ASTN2: variants seen among roughly 807,000 people sequenced by gnomAD.
The protein encoded by ASTN2 is astrotactin 2.
A neutral mutation model predicts 139.8 loss-of-function variants in ASTN2; 54 were observed. That is an observed-to-expected ratio of 0.39 (90% CI 0.31 to 0.48). The LOEUF (loss-of-function observed/expected upper bound fraction) is 0.48, where lower values mean the gene tolerates loss of function less well. Ranked by LOEUF, ASTN2 falls within the 20% of genes least tolerant of loss-of-function variation. ASTN2 has a pLI of 0.95. For synonymous variants in ASTN2, 756 were observed against 719.5 expected (o/e 1.05, Z -0.81); for missense variants, 1,565 against 1,725.1 (o/e 0.91, Z 1.64).
At chr9:117,221,842 T>C (rs1303392525) in intron 2 of ASTN2, among the ~76,000 whole-genome samples, 1 of 105,144 alleles carries the variant, frequency 9.5e-6, no homozygotes, top group Non-Finnish European at 1.8e-5. Context: ...TCTTTAGTGT[T>C]AGAAGAAAAA....
intron 6 of ASTN2, among the ~76,000 whole-genome samples, chr9:117,036,106 G>T (rs1838377456): frequency 6.6e-6 from 1 of 152,076 alleles, no homozygotes; most frequent in African/African-American, 2.4e-5. Flanking sequence ...TTATTTTACA[G>T]ATAGGTGAGA....
At chr9:117,247,267 G>A (rs917339550) in intron 2 of ASTN2, among the ~76,000 whole-genome samples, 2 of 152,340 alleles carry the variant, frequency 1.3e-5, no homozygotes, top group Admixed American at 6.5e-5. Context: ...AGGATTAGCG[G>A]CTTGCCTCCT....
At chr9:117,142,033 G>T in intron 3 of ASTN2, among the ~76,000 whole-genome samples, 1 of 152,320 alleles carries the variant, frequency 6.6e-6, no homozygotes, top group East Asian at 1.9e-4. Flanking sequence ...TGGATGGAAG[G>T]AGAAGCATGT....
At chr9:116,816,882 TG>T (rs1831343657) in intron 12 of ASTN2, among the ~76,000 whole-genome samples, 1 of 75,178 alleles carries the variant, frequency 1.3e-5, no homozygotes, top group African/African-American at 4.4e-5. Flanking sequence ...TCCTTTCCCT[TG>T]TAGGTAGAAA....
At position 116,749,727 on chromosome 9, in the gene ASTN2, T is replaced by C. The variant is rs527719727; in HGVS notation, c.2397-16204A>G. The stretch of plus-strand genomic sequence containing the variant: ...GAGCCTGTTGGAGGTGATTGGATCA[T>C]GGGGGTGGATCCCCATGGATGGTTT... On this transcript the variant is annotated intron_variant, in intron 13 of 22. Transcript: ENST00000313400. 1.3e-3 allele frequency among the ~76,000 whole-genome samples: 200 copies of C among 152,316 alleles called. 1 individual carries two copies. Among genetic ancestry groups the C allele is most frequent in the Middle Eastern group, 0.01 (3 of 294 alleles).
chr9:116,928,796 G>A (rs1039597040), intron 10 of ASTN2, among the ~76,000 whole-genome samples: 6 of 151,778 alleles, frequency 4.0e-5, no homozygotes, highest in Non-Finnish European at 5.9e-5. Flanking sequence ...TATTAAGGGC[G>A]TTCATAGCAA....
At chr9:116,597,299 A>ATTTTT (rs757848093) in intron 19 of ASTN2, among the ~76,000 whole-genome samples, 10 of 75,522 alleles carry the variant, frequency 1.3e-4, no homozygotes, top group East Asian at 4.9e-4. Context: ...CTTTTGATCT[A>ATTTTT]TTTTTTTTTT....
chr9:116,424,920 G>C lies in ASTN2; in HGVS notation c.*931C>G, dbSNP rs1232025323. ...TCCCATCTTTTTCACCTCTCTGTCT[G>C]GCTTATTTCTACTCATCCTTTGGGT... On this transcript the variant is annotated 3_prime_UTR_variant, in exon 23 of 23. Coordinates refer to ENST00000313400, the MANE Select transcript of ASTN2 (RefSeq NM_001365068.1). 6.6e-6 allele frequency among the ~76,000 whole-genome samples: 1 copy of C among 151,950 alleles called. No individual in the cohort carries two copies. The highest frequency in any genetic ancestry group is 2.4e-5 in the African/African-American group (1 of 41,386).
At chr9:116,702,276 C>T (rs1827845895) in intron 16 of ASTN2, among the ~76,000 whole-genome samples, 1 of 151,984 alleles carries the variant, frequency 6.6e-6, no homozygotes, top group Non-Finnish European at 1.5e-5. Context: ...TAAATGATGG[C>T]TGTTACTCTT....
intron 16 of ASTN2, among the ~76,000 whole-genome samples, chr9:116,709,005 C>T (rs903392206): frequency 1.3e-5 from 2 of 152,206 alleles, no homozygotes; most frequent in African/African-American, 4.8e-5. Flanking sequence ...TAAACTGTCC[C>T]TTCAGCCCCA....
chr9:117,095,937 G>C, intron 5 of ASTN2, 107 bp downstream of exon 5: 1 of 1,012,988 alleles, frequency 9.9e-7, no homozygotes, highest in Non-Finnish European at 1.5e-6. Flanking sequence ...TAACCAGATG[G>C]GGACCAGGTT....
rs574595772 is a variant in ASTN2, at chr9:117,104,908, C to G, written c.1169-8757G>C. Among the ~76,000 whole-genome samples, 11 of 152,154 alleles carry G rather than the reference C, an allele frequency of 7.2e-5. No individual in the cohort carries two copies. The South Asian group carries it at 2.3e-3, about 32-fold the overall frequency. On this transcript the variant is annotated intron_variant, in intron 4 of 22. Coordinates refer to ENST00000313400, the MANE Select transcript of ASTN2 (RefSeq NM_001365068.1). ...CTCAGAGGGGGATCATTCCATCACC[C>G]AAGAAAGGAAATGACCCAATTTATC...
At chr9:117,052,386 G>T (rs1406459770) in intron 5 of ASTN2, among the ~76,000 whole-genome samples, 2 of 143,382 alleles carry the variant, frequency 1.4e-5, no homozygotes, top group African/African-American at 5.3e-5. Context: ...CTTGCAGTGA[G>T]CTATCACACC....
chr9:116,927,418 C>T (rs958299142), intron 10 of ASTN2, among the ~76,000 whole-genome samples: 2 of 152,210 alleles, frequency 1.3e-5, no homozygotes, highest in Non-Finnish European at 2.9e-5. Context: ...TCATTACTAA[C>T]AGGAAGCTGG....
chr9:116,815,601 C>G (rs1050896675), intron 12 of ASTN2, among the ~76,000 whole-genome samples: 5 of 151,134 alleles, frequency 3.3e-5, no homozygotes, highest in Non-Finnish European at 5.9e-5. Context: ...GTCAGGAGAT[C>G]GAGACCATCC....
At chr9:117,178,748 G>T (rs1588045670) in intron 3 of ASTN2, among the ~76,000 whole-genome samples, 2 of 152,220 alleles carry the variant, frequency 1.3e-5, no homozygotes, top group African/African-American at 2.4e-5. Context: ...AAATCAAAGT[G>T]CCAAGGGCTG....
chr9:117,214,980 GT>G (rs1412373859), intron 2 of ASTN2, among the ~76,000 whole-genome samples: 4 of 152,184 alleles, frequency 2.6e-5, no homozygotes, highest in Non-Finnish European at 5.9e-5. Context: ...GCTTTCCATA[GT>G]TATAAAGGTT....
intron 17 of ASTN2, among the ~76,000 whole-genome samples, chr9:116,629,749 C>T (rs754006397): frequency 2.6e-5 from 4 of 152,106 alleles, no homozygotes; most frequent in Non-Finnish European, 4.4e-5. Flanking sequence ...GATGAGAGCC[C>T]GACAGAACAG....
chr9:116,795,822 C>A (rs1445259648), intron 13 of ASTN2, among the ~76,000 whole-genome samples: 1 of 152,162 alleles, frequency 6.6e-6, no homozygotes, highest in East Asian at 1.9e-4. Flanking sequence ...TGCTTATTTG[C>A]CTGTTAAATC....
Sources: allele counts gnomAD v4.1 joint callset (sites outside exome capture counted in the v4.1 genomes callset), GRCh38; gene constraint gnomAD v4.1.1; transcripts MANE v1.5; gene names NCBI Gene and HGNC (gene_info 2026-07-23, HGNC 2026-07-21).